Variants in APPBP2 observed in about 807,000 individuals in gnomAD.
APPBP2 encodes the protein amyloid protein-binding protein 2.
A neutral mutation model predicts 76.0 loss-of-function variants in APPBP2; 15 were observed. That is an observed-to-expected ratio of 0.20 (90% CI 0.13 to 0.30). The LOEUF is 0.30. APPBP2 is among the 10% of genes least tolerant of loss of function. The pLI is 1.00. For synonymous variants in APPBP2, 222 were observed against 242.2 expected (o/e 0.92, Z 0.77); for missense variants, 401 against 687.2 (o/e 0.58, Z 4.66).
chr17:60,460,327 A>G (rs7208279), intron 9 of APPBP2: 12,577 of 161,540 alleles, frequency 0.078, 1,688 homozygotes, highest in African/African-American at 0.28. Flanking sequence ...GCCTCCAGAG[A>G]AGCTGGGACC....
intron 10 of APPBP2, among the ~76,000 whole-genome samples, chr17:60,454,803 G>A (rs1225770897): frequency 6.6e-6 from 1 of 152,078 alleles, no homozygotes; most frequent in South Asian, 2.1e-4. Flanking sequence ...CAAATTAAAC[G>A]GAAGCACAAG....
intron 1 of APPBP2, among the ~76,000 whole-genome samples, chr17:60,522,384 A>G (rs977739364): frequency 4.6e-5 from 7 of 152,132 alleles, no homozygotes; most frequent in Admixed American, 1.3e-4. Flanking sequence ...GTGCAGTGGC[A>G]CAATGACAGC....
chr17:60,498,464 C>CA (rs1376351717), intron 2 of APPBP2, among the ~76,000 whole-genome samples: 1 of 151,890 alleles, frequency 6.6e-6, no homozygotes, highest in Non-Finnish European at 1.5e-5. Flanking sequence ...ATATGTTCAC[C>CA]AAAAAACATT....
In APPBP2 at chr17:60,500,522, A is replaced by G. The variant is rs1206725266; in HGVS notation, c.139-35T>C. 5 of 1,437,398 alleles carry G rather than the reference A, an allele frequency of 3.5e-6. No homozygotes were observed. The Admixed American group carries it at 8.1e-5, about 23-fold the overall frequency. The allele number at this position is 1,437,398 out of a possible 1,614,324, so 89.0% of individuals were successfully genotyped here. On this transcript the variant is annotated intron_variant, in intron 1 of 12. Transcript: ENST00000083182. ...AAAACAAATGATTTAAAAATTTTGC[A>G]ATTTAATTCTTCTTTTTACTTTAAT...
In APPBP2 at chr17:60,452,195, T is replaced by C. The variant is rs182053463; in HGVS notation, c.1339-150A>G. On this transcript the variant is annotated intron_variant, in intron 11 of 12. Coordinates refer to ENST00000083182, the MANE Select transcript of APPBP2 (RefSeq NM_006380.5). Reference sequence around the variant, plus strand: ...AGAACATACTATGTTATTCCAAAAATTGCCTATGGGAAGCATTACAGAGTT... The same window carrying C: ...AGAACATACTATGTTATTCCAAAAACTGCCTATGGGAAGCATTACAGAGTT... 132 of 777,340 alleles carry C rather than the reference T, an allele frequency of 1.7e-4. No homozygotes were observed. The African/African-American group carries it at 2.1e-3, about 12-fold the overall frequency. 48.2% of individuals were successfully genotyped at this position (777,340 alleles called of 1,614,324 possible). A position where few individuals can be genotyped will look rare whatever the true frequency, so the allele number is the denominator to read the frequency against.
intron 3 of APPBP2, among the ~76,000 whole-genome samples, chr17:60,487,022 C>A (rs143881976): frequency 0.016 from 2,377 of 152,256 alleles, 64 homozygotes; most frequent in African/African-American, 0.053. Context: ...AATATTGGCC[C>A]CCACTCTCTT....
At chr17:60,523,098 A>C (rs1463276467) in intron 1 of APPBP2, among the ~76,000 whole-genome samples, 1 of 152,070 alleles carries the variant, frequency 6.6e-6, no homozygotes, top group East Asian at 1.9e-4. Flanking sequence ...CAAATACTCC[A>C]ATTTTGTCTA....
chr17:60,489,271 G>C (rs935595294), intron 3 of APPBP2, among the ~76,000 whole-genome samples: 2 of 150,638 alleles, frequency 1.3e-5, no homozygotes, highest in Non-Finnish European at 3.0e-5. Flanking sequence ...AATATGCTCT[G>C]AAGTCCCTTC....
At chr17:60,523,897 T>C (rs2091029578) in intron 1 of APPBP2, among the ~76,000 whole-genome samples, 1 of 152,176 alleles carries the variant, frequency 6.6e-6, no homozygotes, top group Admixed American at 6.5e-5. Context: ...TTACTTAACT[T>C]TCTCACCAAT....
At chr17:60,453,945 C>A (rs1048062334) in intron 11 of APPBP2, among the ~76,000 whole-genome samples, 1 of 152,150 alleles carries the variant, frequency 6.6e-6, no homozygotes, top group Non-Finnish European at 1.5e-5. Context: ...TGATCATAGT[C>A]ACTGCAGCCT....
intron 2 of APPBP2, among the ~76,000 whole-genome samples, chr17:60,498,077 T>C (rs530974527): frequency 6.6e-6 from 1 of 151,746 alleles, no homozygotes; most frequent in African/African-American, 2.4e-5. Flanking sequence ...CAGTGAGCCA[T>C]GATCTTGCCA....
Position 60,458,858 on chromosome 17 carries a change from C to T in APPBP2, c.1061+1805G>A, listed in dbSNP as rs376333907. 4.0e-4 allele frequency among the ~76,000 whole-genome samples: 60 copies of T among 151,816 alleles called. No individual in the cohort carries two copies. In the East Asian group the frequency reaches 8.2e-3, roughly 21 times the overall value. On this transcript the variant is annotated intron_variant, in intron 9 of 12. Coordinates refer to ENST00000083182, the MANE Select transcript of APPBP2 (RefSeq NM_006380.5). ...GGTGATCTTGGCTCACTGCAACCTC[C>T]GACTCCCGGGTTCAAGCGATTCTCC...
At chr17:60,522,041 C>G (rs1282274878) in intron 1 of APPBP2, among the ~76,000 whole-genome samples, 1 of 152,196 alleles carries the variant, frequency 6.6e-6, no homozygotes, top group Non-Finnish European at 1.5e-5. Context: ...TGTGTAAATA[C>G]ACTCTCTGAT....
intron 3 of APPBP2, among the ~76,000 whole-genome samples, chr17:60,480,292 G>A (rs1249143365): frequency 1.3e-5 from 2 of 152,084 alleles, no homozygotes; most frequent in African/African-American, 4.8e-5. Context: ...AGAATGGCTT[G>A]AGCCTGGGAG....
intron 1 of APPBP2, among the ~76,000 whole-genome samples, chr17:60,518,346 C>T (rs1172788840): frequency 4.7e-5 from 6 of 128,374 alleles, no homozygotes; most frequent in African/African-American, 2.0e-4. Flanking sequence ...CATGCCCAGC[C>T]GTGTGTGCGT....
intron 9 of APPBP2, among the ~76,000 whole-genome samples, chr17:60,457,866 TCA>T (rs2090443138): frequency 6.6e-6 from 1 of 152,254 alleles, no homozygotes; most frequent in South Asian, 2.1e-4. Flanking sequence ...TTTAGTGTAT[TCA>T]CAGAGTAGTA....
chr17:60,464,161 CAATATTTAA>C, intron 5 of APPBP2, 51 bp from the exon 6 acceptor site: 1 of 1,441,416 alleles, frequency 6.9e-7, no homozygotes, highest in Non-Finnish European at 9.6e-7. Context: ...ATCAAGTTGA[CAATATTTAA>C]CAAGATGACT....
chr17:60,494,915 C>A (rs927135590), intron 2 of APPBP2, among the ~76,000 whole-genome samples: 1 of 149,370 alleles, frequency 6.7e-6, no homozygotes. Context: ...TTATAATTCA[C>A]AATAAAAAGG....
chr17:60,456,624 T>C (rs1414059085), intron 9 of APPBP2, among the ~76,000 whole-genome samples: 2 of 152,168 alleles, frequency 1.3e-5, no homozygotes, highest in African/African-American at 2.4e-5. Flanking sequence ...AGATTCTACA[T>C]GATCTTTCAG....
Sources: gnomAD v4.1 joint callset for allele counts (sites outside exome capture counted in the v4.1 genomes callset) on GRCh38, gnomAD v4.1.1 for gene constraint, MANE v1.5 for transcripts, NCBI Gene and HGNC (gene_info 2026-07-23, HGNC 2026-07-21) for gene names.